The following TMTC2 variants were observed in gnomAD, a reference collection of about 807,000 sequenced individuals.
TMTC2 encodes the protein protein O-mannosyl-transferase TMTC2.
In TMTC2, 43 loss-of-function variants were observed where a neutral mutation model predicts 82.4. The ratio of observed to expected loss-of-function variants is 0.52; its 90% CI spans 0.41 to 0.67. The LOEUF (loss-of-function observed/expected upper bound fraction) is 0.67, where lower values mean the gene tolerates loss of function less well. Among genes scored for constraint, TMTC2 ranks in the 30% least tolerant of loss-of-function variants. The pLI is 0.00. For synonymous variants in TMTC2, 408 were observed against 381.9 expected (o/e 1.07, Z -0.80); for missense variants, 919 against 1,012.4 (o/e 0.91, Z 1.25).
intron 8 of TMTC2, among the ~76,000 whole-genome samples, chr12:83,021,408 T>C (rs1034322974): frequency 2.6e-5 from 4 of 152,142 alleles, no homozygotes; most frequent in Non-Finnish European, 5.9e-5. Context: ...ATACCTGCAT[T>C]CACCCATGTA....
rs1468498395 is a variant in TMTC2 at position 82,913,624 on chromosome 12, A to G, written c.1484-16807A>G. 2.0e-5 allele frequency among the ~76,000 whole-genome samples: 3 copies of G among 152,196 alleles called. No homozygotes were observed. In the East Asian group the frequency reaches 5.8e-4, roughly 29 times the overall value. ...ATATTCATTAATCACTGGTTTTGAC[A>G]TATTTCCTGATTTTTCCTCTATCTT... On this transcript the variant is annotated intron_variant, in intron 3 of 11. Coordinates refer to ENST00000321196, the MANE Select transcript of TMTC2 (RefSeq NM_152588.3).
At chr12:83,086,258 G>A (rs751764850) in intron 11 of TMTC2, among the ~76,000 whole-genome samples, 30 of 151,832 alleles carry the variant, frequency 2.0e-4, no homozygotes, top group African/African-American at 6.5e-4. Flanking sequence ...CGCAGTGGCC[G>A]GGCAGAGGTG....
chr12:82,765,863 A>T (rs1253289128), intron 1 of TMTC2, among the ~76,000 whole-genome samples: 2 of 152,164 alleles, frequency 1.3e-5, no homozygotes, highest in African/African-American at 4.8e-5. Context: ...AATACTTTTT[A>T]AAAGGGGCTG....
intron 11 of TMTC2, among the ~76,000 whole-genome samples, chr12:83,086,590 G>A (rs562672350): frequency 6.6e-6 from 1 of 152,080 alleles, no homozygotes; most frequent in African/African-American, 2.4e-5. Flanking sequence ...CAAAGATATG[G>A]CAAGTTCACT....
intron 9 of TMTC2, among the ~76,000 whole-genome samples, chr12:83,048,302 ATAT>A (rs897093953): frequency 1.3e-5 from 2 of 152,186 alleles, no homozygotes; most frequent in African/African-American, 4.8e-5. Flanking sequence ...AAAAAGCACC[ATAT>A]ATTTAAATTT....
intron 3 of TMTC2, among the ~76,000 whole-genome samples, chr12:82,906,136 A>G (rs1874292286): frequency 6.6e-6 from 1 of 152,178 alleles, no homozygotes; most frequent in African/African-American, 2.4e-5. Context: ...AATTTAAGTG[A>G]AACTCAAGCC....
intron 1 of TMTC2, among the ~76,000 whole-genome samples, chr12:82,775,690 G>A (rs1272198787): frequency 1.3e-5 from 2 of 152,052 alleles, no homozygotes; most frequent in African/African-American, 4.8e-5. Context: ...GAATAAAAAT[G>A]TTCTGCTTGA....
chr12:82,817,216 A>G (rs1194578476), intron 1 of TMTC2, among the ~76,000 whole-genome samples: 1 of 151,740 alleles, frequency 6.6e-6, no homozygotes, highest in African/African-American at 2.4e-5. Flanking sequence ...TGATCCACCT[A>G]CCTCAGCCTG....
chr12:82,949,744 A>C (rs952078395), intron 4 of TMTC2, among the ~76,000 whole-genome samples: 49 of 152,300 alleles, frequency 3.2e-4, no homozygotes, highest in African/African-American at 1.1e-3. Flanking sequence ...AGAGTTTGTT[A>C]GCTGGTAATT....
chr12:83,051,088 A>G (rs1005840835), intron 10 of TMTC2, 70 bp downstream of exon 10: 29 of 1,056,078 alleles, frequency 2.7e-5, no homozygotes, highest in African/African-American at 4.8e-5. Flanking sequence ...GAATTTTCCC[A>G]TCATACACCT....
chr12:82,687,432 G>A lies in TMTC2; in HGVS notation c.-155G>A, dbSNP rs1872367027. On this transcript the variant is annotated 5_prime_UTR_variant, in exon 1 of 12. Transcript: ENST00000321196. ...GCGCGAGGAGGAGGAGAGGAGTCGT[G>A]GATTGGAAGGACCCGAGGGAGGGAG... is the stretch of plus-strand genomic sequence containing the variant. 4 of 684,378 alleles carry A rather than the reference G, an allele frequency of 5.8e-6. 1 individual carries two copies. In the East Asian group the frequency reaches 1.1e-4, roughly 19 times the overall value. The allele number at this position is 684,378 out of a possible 1,614,324, so 42.4% of individuals were successfully genotyped here.
intron 1 of TMTC2, among the ~76,000 whole-genome samples, chr12:82,753,882 T>TTTCCAAA (rs1876154019): frequency 6.6e-6 from 1 of 152,218 alleles, no homozygotes; most frequent in African/African-American, 2.4e-5. Flanking sequence ...AAGCGTACTA[T>TTTCCAAA]ATTAATTGGA....
intron 1 of TMTC2, among the ~76,000 whole-genome samples, chr12:82,691,298 T>C (rs1872565327): frequency 6.6e-6 from 1 of 152,112 alleles, no homozygotes; most frequent in African/African-American, 2.4e-5. Context: ...ATGTTACCTG[T>C]AGATCTCTTA....
intron 2 of TMTC2, among the ~76,000 whole-genome samples, chr12:82,867,567 CTT>C (rs1340200538): frequency 2.0e-5 from 3 of 152,050 alleles, no homozygotes; most frequent in African/African-American, 7.2e-5. Context: ...CAAATAAGTA[CTT>C]TTAATATAGA....
At chr12:82,737,665 A>G (rs528891375) in intron 1 of TMTC2, among the ~76,000 whole-genome samples, 2 of 152,314 alleles carry the variant, frequency 1.3e-5, no homozygotes, top group South Asian at 4.1e-4. Context: ...ATAAGTAATC[A>G]GAAGTCAAAG....
At chr12:83,019,237 G>C (rs1298303659) in intron 8 of TMTC2, among the ~76,000 whole-genome samples, 1 of 151,754 alleles carries the variant, frequency 6.6e-6, no homozygotes, top group East Asian at 1.9e-4. Context: ...AACCCTCATT[G>C]TGTCTCCTCT....
chr12:82,703,648 G>A (rs988567689), intron 1 of TMTC2, among the ~76,000 whole-genome samples: 4 of 152,010 alleles, frequency 2.6e-5, no homozygotes, highest in Non-Finnish European at 4.4e-5. Context: ...ACAGGCGTCC[G>A]CCACCGTGCC....
chr12:82,788,367 A>G (rs1878288441), intron 1 of TMTC2, among the ~76,000 whole-genome samples: 2 of 152,110 alleles, frequency 1.3e-5, no homozygotes, highest in South Asian at 4.1e-4. Flanking sequence ...AACTATTGGT[A>G]ACTACTAGTG....
rs576955997 is a variant in TMTC2 at position 82,806,633 on chromosome 12, G to A, written c.84-50377G>A. Among the ~76,000 whole-genome samples, 5 of 151,906 alleles carry A rather than the reference G, an allele frequency of 3.3e-5. No homozygotes were observed. In the South Asian group the frequency reaches 1.0e-3, roughly 32 times the overall value. On this transcript the variant is annotated intron_variant, in intron 1 of 11. Transcript: ENST00000321196. ...TACCAATAAGTTAATTAACACATTT[G>A]GTATATGTATTATATACTGTTTTCT...
Sources: allele counts gnomAD v4.1 joint callset (sites outside exome capture counted in the v4.1 genomes callset), GRCh38; gene constraint gnomAD v4.1.1; transcripts MANE v1.5; gene names NCBI Gene and HGNC (gene_info 2026-07-23, HGNC 2026-07-21).